Variants in GOLGA1 observed in about 807,000 individuals in gnomAD.
GOLGA1 encodes golgin A1, also known as golgin subfamily A member 1.
GOLGA1 carries 63 observed loss-of-function variants against 119.7 expected under a neutral mutation model. The ratio of observed to expected loss-of-function variants is 0.53; its 90% CI spans 0.43 to 0.65. The LOEUF (loss-of-function observed/expected upper bound fraction) is 0.65, where lower values mean the gene tolerates loss of function less well. GOLGA1 is among the 30% of genes least tolerant of loss of function. The pLI is 0.00. For synonymous variants in GOLGA1, 318 were observed against 333.4 expected (o/e 0.95, Z 0.50); for missense variants, 798 against 912.8 (o/e 0.87, Z 1.62).
At chr9:124,922,731 T>G (rs1215836576) in intron 8 of GOLGA1, among the ~76,000 whole-genome samples, 1 of 151,086 alleles carries the variant, frequency 6.6e-6, no homozygotes, top group African/African-American at 2.4e-5. Flanking sequence ...CACCTGTGAG[T>G]AGCCATTATA....
Position 124,926,732 on chromosome 9 carries a change from C to T in GOLGA1, c.409G>A (p.Glu137Lys). ...ALARKDQEWS[E>K]KMDQLEKEKN... ...ACCTTTTCAAGCTGATCCATCTTTT[C>T]TGACCATTCCTAAAACAAAACAATA... is the stretch of plus-strand genomic sequence containing the variant. The change falls in exon 7 of 23, where the codon GAA becomes AAA. Residue 137 changes from glutamate (E) to lysine (K), a missense_variant. By Grantham distance (56) the Glu-to-Lys change is moderately conservative. Transcript: ENST00000373555. 3 of 1,571,158 alleles carry T rather than the reference C, an allele frequency of 1.9e-6. No individual in the cohort carries two copies. Among genetic ancestry groups the T allele is most frequent in the Non-Finnish European group, 2.6e-6 (3 of 1,143,340 alleles).
intron 3 of GOLGA1, 107 bp from the exon 4 acceptor site, chr9:124,931,513 T>C (rs1392399537): frequency 1.5e-6 from 1 of 672,012 alleles, no homozygotes; most frequent in Non-Finnish European, 2.7e-6. Flanking sequence ...CTTTAATTAA[T>C]TGTAATCACT....
chr9:124,889,630 C>T (rs1389070819), intron 16 of GOLGA1, 94 bp from the exon 17 acceptor site: 25 of 856,112 alleles, frequency 2.9e-5, no homozygotes, highest in South Asian at 1.5e-4. Context: ...GGGTACACCA[C>T]GAATCCCTCC....
At chr9:124,900,842 A>G (rs1252722364) in intron 12 of GOLGA1, among the ~76,000 whole-genome samples, 2 of 152,142 alleles carry the variant, frequency 1.3e-5, no homozygotes, top group Non-Finnish European at 2.9e-5. Context: ...TGTAATCTTT[A>G]GACCTCAGAT....
At chr9:124,938,240 T>C (rs770838597) in intron 3 of GOLGA1, among the ~76,000 whole-genome samples, 5 of 152,126 alleles carry the variant, frequency 3.3e-5, no homozygotes, top group Admixed American at 1.3e-4. Flanking sequence ...AGTTGTTATA[T>C]AAGTATATAT....
intron 11 of GOLGA1, 133 bp downstream of exon 11, chr9:124,911,768 C>T: frequency 2.6e-6 from 2 of 762,344 alleles, no homozygotes; most frequent in Non-Finnish European, 4.3e-6. Context: ...CAGGACAAGC[C>T]AAAGTTGGAG....
chr9:124,925,187 T>C (rs1200930728), intron 7 of GOLGA1, among the ~76,000 whole-genome samples: 4 of 152,154 alleles, frequency 2.6e-5, no homozygotes, highest in Admixed American at 1.3e-4. Context: ...GGTTTTTTAG[T>C]TGGTTCAGTC....
At chr9:124,947,919 T>G (rs921807523) in exon 1 of GOLGA1, 17 of 152,192 alleles carry the variant, frequency 1.1e-4, no homozygotes, top group African/African-American at 4.1e-4. Context: ...CCTTGGTACC[T>G]GACTATATTT....
rs1010805909 is a variant in GOLGA1 at position 124,881,934 on chromosome 9, C to T, written c.1986G>A (p.Glu662=). The change falls in exon 21 of 23, where the codon GAG becomes GAA. Residue 662 remains glutamate (E), a synonymous_variant. Coordinates refer to ENST00000373555, the MANE Select transcript of GOLGA1 (RefSeq NM_002077.4). The surrounding 1 kb of genome is among the most constrained non-coding windows in gnomAD (Gnocchi z 4.9). ...CAGGTTTCTCCCGGACTTCGAAGAGCTCATTATCGGGTCTGATTTTCTGAA... is the reference window on the plus strand; with the variant it reads ...CAGGTTTCTCCCGGACTTCGAAGAGTTCATTATCGGGTCTGATTTTCTGAA... ...QKELKIRPDN[E]LFEVREKPGP... 6.2e-7 allele frequency: 1 copy of T among 1,608,068 alleles called. No homozygotes were observed. The highest frequency in any genetic ancestry group is 2.2e-5 in the East Asian group (1 of 44,802).
upstream of GOLGA1, chr9:124,944,175 A>G (rs1831102928): frequency 6.6e-6 from 1 of 152,248 alleles, no homozygotes; most frequent in African/African-American, 2.4e-5. Flanking sequence ...GAATGCATTC[A>G]GATAACTATA....
intron 3 of GOLGA1, among the ~76,000 whole-genome samples, chr9:124,932,302 G>C (rs2131525481): frequency 6.6e-6 from 1 of 152,172 alleles, no homozygotes; most frequent in East Asian, 1.9e-4. Context: ...GTTTCCCATT[G>C]TATCCCCAAA....
chr9:124,944,598 A>G (rs2131558250), upstream of GOLGA1: 1 of 150,984 alleles, frequency 6.6e-6, no homozygotes, highest in South Asian at 2.1e-4. Flanking sequence ...TTTCCTGCAG[A>G]TTTTTAATTT....
In GOLGA1 at chr9:124,896,756, A is replaced by G. The variant is rs191010276; in HGVS notation, c.1407+1793T>C. 1.4e-3 allele frequency among the ~76,000 whole-genome samples: 212 copies of G among 152,310 alleles called. 2 individuals carry two copies. The highest frequency in any genetic ancestry group is 5.0e-3 in the African/African-American group (206 of 41,590). On this transcript the variant is annotated intron_variant, in intron 15 of 22. Coordinates refer to ENST00000373555, the MANE Select transcript of GOLGA1 (RefSeq NM_002077.4). ...CAGGAGTTTAAAATCAGCCTAGTTA[A>G]CATAGCAAGACCCTGTCTCTACAAA... is the stretch of plus-strand genomic sequence containing the variant.
rs144077576 is a variant in GOLGA1, at chr9:124,878,699, TG to T, written c.*1830del. ...AGCTACACCTGAAACTGCCGAGGAGTGGGGCCTGGGGTGCGTGTGGGACCAG... is the reference window on the plus strand; with the variant it reads ...AGCTACACCTGAAACTGCCGAGGAGTGGGCCTGGGGTGCGTGTGGGACCAG... On this transcript the variant is annotated 3_prime_UTR_variant, in exon 23 of 23. Coordinates refer to ENST00000373555, the MANE Select transcript of GOLGA1 (RefSeq NM_002077.4). 2 of 151,644 alleles carry T rather than the reference TG, an allele frequency of 1.3e-5. No homozygotes were observed. Among genetic ancestry groups the T allele is most frequent in the Non-Finnish European group, 1.5e-5 (1 of 67,930 alleles). The allele number at this position is 151,644 out of a possible 1,614,324, so 9.4% of individuals were successfully genotyped here.
Position 124,938,813 on chromosome 9 carries a change from A to G in GOLGA1, c.-102T>C. 1 of 919,762 alleles carries G rather than the reference A, an allele frequency of 1.1e-6. No homozygotes were observed. Among genetic ancestry groups the G allele is most frequent in the Non-Finnish European group, 1.6e-6 (1 of 619,124 alleles). 57.0% of individuals were successfully genotyped at this position (919,762 alleles called of 1,614,324 possible). A position where few individuals can be genotyped will look rare whatever the true frequency, so the allele number is the denominator to read the frequency against. ...GCGCCTACAAAGTTTCAGACATCCA[A>G]GCTAGCTGCATTCCCACTTAAATGT... On this transcript the variant is annotated 5_prime_UTR_variant, in exon 3 of 23. Transcript: ENST00000373555.
intron 13 of GOLGA1, among the ~76,000 whole-genome samples, 162 bp from the exon 14 acceptor site, chr9:124,899,640 T>A (rs1301161189): frequency 1.3e-5 from 2 of 152,190 alleles, no homozygotes; most frequent in African/African-American, 4.8e-5. Flanking sequence ...CTCTGCCTGT[T>A]GCTCCTGGAC....
At chr9:124,914,148 A>AT (rs1830392143) in intron 10 of GOLGA1, among the ~76,000 whole-genome samples, 1 of 152,194 alleles carries the variant, frequency 6.6e-6, no homozygotes. Flanking sequence ...AGCAATAGTT[A>AT]TAACTGTAAT....
intron 7 of GOLGA1, 91 bp from the exon 8 acceptor site, chr9:124,923,314 T>G: frequency 4.5e-6 from 5 of 1,109,276 alleles, no homozygotes; most frequent in Middle Eastern, 2.1e-4. Flanking sequence ...TTAAAATTTT[T>G]GTCTTTAGAG....
chr9:124,889,498 C>A lies in GOLGA1; in HGVS notation c.1536G>T (p.Gln512His). 6.2e-7 allele frequency: 1 copy of A among 1,614,012 alleles called. No homozygotes were observed. Among genetic ancestry groups the A allele is most frequent in the East Asian group, 2.2e-5 (1 of 44,880 alleles). Residue 512 changes from glutamine to histidine, a missense_variant, in exon 17 of 23, where the codon CAG becomes CAT. By Grantham distance (24) the Gln-to-His change is conservative (BLOSUM62 0). Transcript: ENST00000373555. ...NLTAIIDEKE[Q>H]NLREKTEVLL... Reference sequence around the variant, plus strand: ...GCACTTCGGTTTTTTCCCGCAGATTCTGTTCCTTCTCGTCTATTATGGCTG... The same window carrying A: ...GCACTTCGGTTTTTTCCCGCAGATTATGTTCCTTCTCGTCTATTATGGCTG...
Sources: gnomAD v4.1 joint callset for allele counts (sites outside exome capture counted in the v4.1 genomes callset) on GRCh38, gnomAD v4.1.1 for gene constraint, Gnocchi (gnomAD v3.1) non-coding constraint, MANE v1.5 for transcripts, NCBI Gene and HGNC (gene_info 2026-07-23, HGNC 2026-07-21) for gene names.